Variants in CDC42BPB observed in about 807,000 individuals in gnomAD.
CDC42BPB encodes CDC42 binding protein kinase beta, also known as serine/threonine-protein kinase MRCK beta.
Under a neutral mutation model 214.9 loss-of-function variants are expected in CDC42BPB, and 37 were observed. The observed-to-expected ratio is 0.17, with a 90% CI of 0.13 to 0.23. CDC42BPB has a LOEUF of 0.23. CDC42BPB is among the 10% of genes least tolerant of loss of function. The probability of loss-of-function intolerance (pLI) is 1.00; values close to 1 mark genes in which losing one functional copy is unlikely to be tolerated. For missense variants in CDC42BPB, 1,694 were observed against 2,227.0 expected, an observed-to-expected ratio of 0.76 and a Z score of 4.82; for synonymous variants, 931 against 884.0, an observed-to-expected ratio of 1.05 and a Z score of -0.94.
intron 1 of CDC42BPB, among the ~76,000 whole-genome samples, chr14:103,040,048 T>C (rs1161254343): frequency 3.3e-5 from 5 of 152,198 alleles, no homozygotes; most frequent in Admixed American, 2.0e-4. Context: ...TGCCACTGAA[T>C]TGAACACGTA....
intron 3 of CDC42BPB, among the ~76,000 whole-genome samples, chr14:103,008,198 C>T (rs940300990): frequency 1.3e-5 from 2 of 152,200 alleles, no homozygotes; most frequent in Non-Finnish European, 2.9e-5. Context: ...TCTCCCGATG[C>T]TTTTTATTTG....
At chr14:103,055,576 T>C (rs1888902101) in intron 1 of CDC42BPB, among the ~76,000 whole-genome samples, 1 of 152,270 alleles carries the variant, frequency 6.6e-6, no homozygotes, top group Non-Finnish European at 1.5e-5. Flanking sequence ...AATTTACTGA[T>C]ACTATAAGTA....
Position 102,932,879 on chromosome 14 carries a change from G to A in CDC42BPB, c.*833C>T, listed in dbSNP as rs1337028650. 1 of 131,620 alleles carries A rather than the reference G, an allele frequency of 7.6e-6. No individual in the cohort carries two copies. The highest frequency in any genetic ancestry group is 2.9e-5 in the African/African-American group (1 of 34,114). The allele number at this position is 131,620 out of a possible 1,614,324, so 8.2% of individuals were successfully genotyped here. A position where few individuals can be genotyped will look rare whatever the true frequency, so the allele number is the denominator to read the frequency against. On this transcript the variant is annotated 3_prime_UTR_variant, in exon 37 of 37. Transcript: ENST00000361246. ...TCCATGCGGGGGCAGGACTGGTGGG[G>A]GGGGGGGCGGGCAGGGCGGGGCGGG...
intron 5 of CDC42BPB, among the ~76,000 whole-genome samples, chr14:102,990,481 T>G (rs754182197): frequency 2.6e-5 from 4 of 151,994 alleles, no homozygotes; most frequent in Admixed American, 2.6e-4. Flanking sequence ...ACAGTTTCAG[T>G]AGGAGGAAGA....
intron 29 of CDC42BPB, 181 bp downstream of exon 29, chr14:102,945,481 G>A (rs954382523): frequency 1.7e-5 from 10 of 600,696 alleles, no homozygotes; most frequent in African/African-American, 1.7e-4. Flanking sequence ...CGATGGATGT[G>A]ATACGCAACT....
At position 102,968,321 on chromosome 14, in the gene CDC42BPB, C is replaced by A. The variant is rs1257219751; in HGVS notation, c.2278G>T (p.Asp760Tyr). ...ATCGCTCTTTCTCGTTCGTATTTAT[C>A]TTTTATTGTACCTACTGCCTCCTCC... ...EMEEAVGTIK[D>Y]KYERERAMLF... The change falls in exon 16 of 37, where the codon GAT becomes TAT. Residue 760 changes from aspartate to tyrosine, a missense_variant. Coordinates refer to ENST00000361246, the MANE Select transcript of CDC42BPB (RefSeq NM_006035.4). 5 of 1,614,044 alleles carry A rather than the reference C, an allele frequency of 3.1e-6. No individual in the cohort carries two copies. The highest frequency in any genetic ancestry group is 1.3e-5 in the African/African-American group (1 of 75,020).
chr14:102,985,741 T>A (rs144916371), intron 6 of CDC42BPB, among the ~76,000 whole-genome samples: 1 of 152,318 alleles, frequency 6.6e-6, no homozygotes, highest in East Asian at 1.9e-4. Context: ...ATGATAAGTG[T>A]AGGTTTCAAA....
chr14:103,045,582 T>C (rs1326542308), intron 1 of CDC42BPB, among the ~76,000 whole-genome samples: 2 of 152,144 alleles, frequency 1.3e-5, no homozygotes, highest in African/African-American at 4.8e-5. Context: ...CATAACCCCC[T>C]TCTCCTCTCC....
At chr14:102,990,612 C>A (rs1042373637) in intron 5 of CDC42BPB, among the ~76,000 whole-genome samples, 5 of 152,150 alleles carry the variant, frequency 3.3e-5, no homozygotes, top group African/African-American at 9.7e-5. Flanking sequence ...CACTGAGGGG[C>A]CTAGAAGCAG....
At chr14:102,969,067 G>A (rs1893353499) in intron 14 of CDC42BPB, among the ~76,000 whole-genome samples, 1 of 152,276 alleles carries the variant, frequency 6.6e-6, no homozygotes, top group Non-Finnish European at 1.5e-5. Flanking sequence ...GGGGCTGGCG[G>A]GAACTGACAG....
intron 1 of CDC42BPB, among the ~76,000 whole-genome samples, chr14:103,036,448 C>A (rs1887672828): frequency 6.6e-6 from 1 of 152,116 alleles, no homozygotes; most frequent in South Asian, 2.1e-4. Context: ...AGCCACCGCG[C>A]CCAGCCTAAA....
chr14:102,934,510 G>C (rs1210129810), intron 36 of CDC42BPB, among the ~76,000 whole-genome samples: 3 of 151,996 alleles, frequency 2.0e-5, no homozygotes, highest in African/African-American at 7.3e-5. Flanking sequence ...CTCCAGCCTG[G>C]GCGACAGAGC....
intron 2 of CDC42BPB, among the ~76,000 whole-genome samples, chr14:103,008,918 C>T (rs918643656): frequency 1.3e-4 from 20 of 152,214 alleles, no homozygotes; most frequent in African/African-American, 2.7e-4. Flanking sequence ...ACTCAGCGCG[C>T]GGCCACCAGC....
At chr14:103,015,689 T>C (rs950775122) in intron 1 of CDC42BPB, among the ~76,000 whole-genome samples, 59 of 152,136 alleles carry the variant, frequency 3.9e-4, no homozygotes, top group African/African-American at 1.4e-3. Context: ...CCTTCTGCCA[T>C]TAGGATCAGG....
At chr14:103,018,697 G>T (rs1338053999) in intron 1 of CDC42BPB, among the ~76,000 whole-genome samples, 1 of 152,196 alleles carries the variant, frequency 6.6e-6, no homozygotes, top group Non-Finnish European at 1.5e-5. Flanking sequence ...AGGGCCTGGG[G>T]CAACGGAATC....
In CDC42BPB at chr14:102,972,144, T is replaced by C; in HGVS notation, c.1659A>G (p.Ser553=). 4 of 1,614,158 alleles carry C rather than the reference T, an allele frequency of 2.5e-6. No homozygotes were observed. Among genetic ancestry groups the C allele is most frequent in the Non-Finnish European group, 3.4e-6 (4 of 1,179,964 alleles). The change falls in exon 13 of 37, where the codon TCA becomes TCG. Residue 553 remains serine, a synonymous_variant. Transcript: ENST00000361246. The stretch of plus-strand genomic sequence containing the variant: ...CCTTGGCCTGGGATTTCAACCGCTC[T>C]GAGGCTTCAACCAGTTGCTGAACAA... ...EELHKQLVEA[S]ERLKSQAKEL... is the part of the protein sequence containing the mutation.
At chr14:102,954,473 T>C (rs1295124810) in intron 22 of CDC42BPB, 129 bp downstream of exon 22, 4 of 1,403,378 alleles carry the variant, frequency 2.9e-6, no homozygotes, top group Non-Finnish European at 3.8e-6. Flanking sequence ...AAATGAAAGG[T>C]GGGCTTGAGC....
At chr14:103,015,313 T>A (rs1886395028) in intron 1 of CDC42BPB, among the ~76,000 whole-genome samples, 1 of 152,188 alleles carries the variant, frequency 6.6e-6, no homozygotes, top group Admixed American at 6.5e-5. Flanking sequence ...ACACTAACAA[T>A]TTTGTACTGG....
At chr14:102,990,032 G>A (rs181976871) in intron 5 of CDC42BPB, among the ~76,000 whole-genome samples, 2 of 152,312 alleles carry the variant, frequency 1.3e-5, no homozygotes, top group East Asian at 3.9e-4. Context: ...CGGATCCTGG[G>A]TTGCCAGCGG....
Sources: allele counts gnomAD v4.1 joint callset (sites outside exome capture counted in the v4.1 genomes callset), GRCh38; gene constraint gnomAD v4.1.1; transcripts MANE v1.5; gene names NCBI Gene and HGNC (gene_info 2026-07-23, HGNC 2026-07-21).